The following ARHGAP6 variants were observed in gnomAD, a reference collection of about 807,000 sequenced individuals.
ARHGAP6 encodes Rho GTPase activating protein 6.
A neutral mutation model predicts 55.7 loss-of-function variants in ARHGAP6; 16 were observed. The ratio of observed to expected loss-of-function variants is 0.29; its 90% CI spans 0.19 to 0.44. The LOEUF is 0.44. Ranked by LOEUF, ARHGAP6 falls within the 20% of genes least tolerant of loss-of-function variation. The pLI, the probability that ARHGAP6 is intolerant of heterozygous loss-of-function variation, is 1.00. For synonymous variants in ARHGAP6, 382 were observed against 360.9 expected, an observed-to-expected ratio of 1.06 and a Z score of -0.66; for missense variants, 698 against 808.9, an observed-to-expected ratio of 0.86 and a Z score of 1.66.
intron 1 of ARHGAP6, among the ~76,000 whole-genome samples, chrX:11,469,685 AG>A (rs1265645649): frequency 8.9e-6 from 1 of 111,779 alleles, no homozygotes; most frequent in Non-Finnish European, 1.9e-5. Context: ...GAGGATGTAA[AG>A]TATTAGATTT....
At chrX:11,175,720 G>C (rs2046202988) in intron 8 of ARHGAP6, among the ~76,000 whole-genome samples, 1 of 111,202 alleles carries the variant, frequency 9.0e-6, no homozygotes, top group Non-Finnish European at 1.9e-5. Context: ...GAGATGTACT[G>C]CTACTGGCAT....
chrX:11,500,012 T>C (rs1324539697), intron 1 of ARHGAP6, among the ~76,000 whole-genome samples: 1 of 112,398 alleles, frequency 8.9e-6, no homozygotes, highest in African/African-American at 3.2e-5. Context: ...ATTTTCTTAC[T>C]GGAAGAGTAA....
At chrX:11,247,440 A>C (rs1044377086) in intron 2 of ARHGAP6, among the ~76,000 whole-genome samples, 1 of 112,624 alleles carries the variant, frequency 8.9e-6, no homozygotes, top group Non-Finnish European at 1.9e-5. Context: ...GGCAGGAATA[A>C]GTTATTTTCT....
At chrX:11,159,874 A>C (rs2045917180) in intron 9 of ARHGAP6, among the ~76,000 whole-genome samples, 1 of 111,307 alleles carries the variant, frequency 9.0e-6, no homozygotes, top group South Asian at 3.8e-4. Flanking sequence ...TGTATAAATT[A>C]AACAGAAAGA....
chrX:11,532,997 T>C (rs1221122835), intron 1 of ARHGAP6, among the ~76,000 whole-genome samples: 1 of 111,937 alleles, frequency 8.9e-6, no homozygotes. Context: ...TTTCAAAATT[T>C]CACTCAGATT....
At chrX:11,517,778 G>A (rs984038822) in intron 1 of ARHGAP6, among the ~76,000 whole-genome samples, 5 of 110,273 alleles carry the variant, frequency 4.5e-5, no homozygotes, top group Admixed American at 9.7e-5. Flanking sequence ...ATGAGAACAC[G>A]TGGACACAGG....
intron 1 of ARHGAP6, among the ~76,000 whole-genome samples, chrX:11,600,953 T>A (rs2051963375): frequency 8.9e-6 from 1 of 111,803 alleles, no homozygotes; most frequent in Non-Finnish European, 1.9e-5. Flanking sequence ...ACTGGACATG[T>A]GCTGAGGGTT....
chrX:11,500,937 T>G lies in ARHGAP6; in HGVS notation c.588+163304A>C, dbSNP rs143061700. 5.4e-3 allele frequency among the ~76,000 whole-genome samples: 602 copies of G among 110,714 alleles called. 5 individuals are homozygous for G. The highest frequency in any genetic ancestry group is 0.015 in the African/African-American group (448 of 30,488). ...CCACCAGAACACACACTAGAAGAGC[T>G]GACATGAAACAGTCAACAGCGTGGT... On this transcript the variant is annotated intron_variant, in intron 1 of 12. Transcript: ENST00000337414.
chrX:11,629,598 C>A (rs1430454905), intron 1 of ARHGAP6, among the ~76,000 whole-genome samples: 1 of 110,047 alleles, frequency 9.1e-6, no homozygotes, highest in African/African-American at 3.3e-5. Context: ...TAAAAATTTA[C>A]TATAAGTCAC....
At chrX:11,276,639 C>A (rs983373557) in intron 1 of ARHGAP6, among the ~76,000 whole-genome samples, 1 of 111,439 alleles carries the variant, frequency 9.0e-6, no homozygotes, top group African/African-American at 3.3e-5. Context: ...GACGTGAAAA[C>A]AAGCCATCTG....
At chrX:11,629,609 TC>T (rs1212865436) in intron 1 of ARHGAP6, among the ~76,000 whole-genome samples, 1 of 110,395 alleles carries the variant, frequency 9.1e-6, no homozygotes, top group African/African-American at 3.3e-5. Flanking sequence ...TATAAGTCAC[TC>T]TTAAATCACA....
intron 1 of ARHGAP6, among the ~76,000 whole-genome samples, chrX:11,399,910 T>C (rs2049526730): frequency 8.9e-6 from 1 of 112,353 alleles, no homozygotes; most frequent in African/African-American, 3.2e-5. Flanking sequence ...AATGAAATCC[T>C]GATACATGTA....
chrX:11,540,780 G>A (rs969024931), intron 1 of ARHGAP6, among the ~76,000 whole-genome samples: 1 of 112,660 alleles, frequency 8.9e-6, no homozygotes, highest in African/African-American at 3.2e-5. Flanking sequence ...ATCATAGGGC[G>A]TTGGAAGTAG....
intron 1 of ARHGAP6, among the ~76,000 whole-genome samples, chrX:11,391,212 G>A (rs993591863): frequency 9.0e-6 from 1 of 111,305 alleles, no homozygotes; most frequent in South Asian, 3.8e-4. Context: ...ACTATTGCAA[G>A]GACAAAAAAC....
At chrX:11,276,635 AAAAC>A (rs2047771802) in intron 1 of ARHGAP6, among the ~76,000 whole-genome samples, 1 of 111,732 alleles carries the variant, frequency 8.9e-6, no homozygotes. Flanking sequence ...GTATGACGTG[AAAAC>A]AAGCCATCTG....
At chrX:11,216,856 T>A (rs1474757743) in intron 2 of ARHGAP6, among the ~76,000 whole-genome samples, 1 of 110,844 alleles carries the variant, frequency 9.0e-6, no homozygotes, top group Non-Finnish European at 1.9e-5. Context: ...CCTAATGCTA[T>A]CCCTCCCCTA....
chrX:11,372,541 G>A (rs2049154417), intron 1 of ARHGAP6, among the ~76,000 whole-genome samples: 1 of 110,182 alleles, frequency 9.1e-6, no homozygotes, highest in African/African-American at 3.3e-5. Flanking sequence ...GGGAGGCCGA[G>A]GAGGGTGGAT....
intron 1 of ARHGAP6, among the ~76,000 whole-genome samples, chrX:11,361,007 T>C (rs1462090763): frequency 1.8e-5 from 2 of 110,748 alleles, no homozygotes; most frequent in East Asian, 5.6e-4. Context: ...TAAAAGAGGA[T>C]ACAAAGAAAT....
intron 2 of ARHGAP6, among the ~76,000 whole-genome samples, chrX:11,210,395 CT>C (rs1267301583): frequency 4.5e-5 from 5 of 112,184 alleles, no homozygotes; most frequent in Admixed American, 3.8e-4. Flanking sequence ...AGGAGTCTGA[CT>C]TTTTTTTCTA....
Sources: allele counts gnomAD v4.1 joint callset (sites outside exome capture counted in the v4.1 genomes callset), GRCh38; gene constraint gnomAD v4.1.1; transcripts MANE v1.5; gene names NCBI Gene and HGNC (gene_info 2026-07-23, HGNC 2026-07-21).